The following PPP1R9A variants were observed in gnomAD, a reference collection of about 807,000 sequenced individuals.
PPP1R9A encodes the protein protein phosphatase 1 regulatory subunit 9A, also known as neurabin-1.
PPP1R9A carries 59 observed loss-of-function variants against 141.9 expected under a neutral mutation model. The observed-to-expected ratio is 0.42, with a 90% CI of 0.34 to 0.52. The LOEUF is 0.52. PPP1R9A is among the 20% of genes least tolerant of loss of function. The pLI is 0.10. For missense variants in PPP1R9A, 1,444 were observed against 1,611.9 expected (o/e 0.90, Z 1.78); for synonymous variants, 500 against 569.7 (o/e 0.88, Z 1.74).
chr7:94,945,944 G>A (rs1795847331), intron 2 of PPP1R9A, among the ~76,000 whole-genome samples: 1 of 151,828 alleles, frequency 6.6e-6, no homozygotes, highest in South Asian at 2.1e-4. Context: ...TAACTAATAT[G>A]CTAAAAATAT....
intron 14 of PPP1R9A, among the ~76,000 whole-genome samples, chr7:95,272,149 C>T (rs1441126374): frequency 6.6e-6 from 1 of 152,162 alleles, no homozygotes. Context: ...AGAGTGTTTT[C>T]GTGTACATTG....
intron 5 of PPP1R9A, among the ~76,000 whole-genome samples, chr7:95,189,840 G>A (rs945062605): frequency 1.3e-5 from 2 of 152,094 alleles, no homozygotes; most frequent in Admixed American, 6.5e-5. Context: ...TTTTATTGTC[G>A]AAATTTTCCA....
At chr7:95,225,646 C>G (rs1173207123) in intron 7 of PPP1R9A, among the ~76,000 whole-genome samples, 1 of 152,058 alleles carries the variant, frequency 6.6e-6, no homozygotes, top group Admixed American at 6.6e-5. Context: ...ACTTATTTCC[C>G]TCAGCAACAT....
At chr7:95,014,802 G>A (rs988815326) in intron 2 of PPP1R9A, among the ~76,000 whole-genome samples, 1 of 152,002 alleles carries the variant, frequency 6.6e-6, no homozygotes, top group African/African-American at 2.4e-5. Flanking sequence ...TAAGGAAGAA[G>A]TTTCCTTTCT....
At chr7:95,009,266 G>A (rs1584253536) in intron 2 of PPP1R9A, among the ~76,000 whole-genome samples, 1 of 152,106 alleles carries the variant, frequency 6.6e-6, no homozygotes, top group Non-Finnish European at 1.5e-5. Flanking sequence ...AAACCTGCAC[G>A]TTGTGCACAT....
rs192779256 is a variant in PPP1R9A at position 94,984,964 on chromosome 7, G to A, written c.1395+73456G>A. The stretch of plus-strand genomic sequence containing the variant: ...TGATCTTTCCTGCTTTCTCTTGTGG[G>A]CATTTAGTGCTGTAAATTTCCTTCT... On this transcript the variant is annotated intron_variant, in intron 2 of 19. Transcript: ENST00000433360. Among the ~76,000 whole-genome samples, 28 of 152,154 alleles carry A rather than the reference G, an allele frequency of 1.8e-4. No homozygotes were observed. In the East Asian group the frequency reaches 5.2e-3, roughly 28 times the overall value.
chr7:95,249,981 C>A, intron 9 of PPP1R9A, 45 bp from the exon 10 acceptor site: 2 of 1,500,988 alleles, frequency 1.3e-6, no homozygotes, highest in Non-Finnish European at 1.8e-6. Context: ...ATTTTTGCCA[C>A]AAAAGTGGCC....
chr7:94,924,952 C>T (rs999797942), intron 2 of PPP1R9A, among the ~76,000 whole-genome samples: 8 of 152,186 alleles, frequency 5.3e-5, no homozygotes, highest in African/African-American at 1.9e-4. Context: ...TTGAAATAAA[C>T]AGAATATTGA....
intron 2 of PPP1R9A, among the ~76,000 whole-genome samples, chr7:95,084,448 G>T (rs1377163812): frequency 6.6e-6 from 1 of 151,764 alleles, no homozygotes; most frequent in Non-Finnish European, 1.5e-5. Context: ...GACAACTTGG[G>T]TACCCACCAT....
At chr7:95,005,912 CA>C (rs972430409) in intron 2 of PPP1R9A, among the ~76,000 whole-genome samples, 5 of 150,370 alleles carry the variant, frequency 3.3e-5, no homozygotes, top group South Asian at 2.1e-4. Context: ...TCTAAAGATA[CA>C]AAAAAAAATT....
intron 7 of PPP1R9A, among the ~76,000 whole-genome samples, chr7:95,218,191 G>A (rs1028930952): frequency 4.6e-5 from 7 of 152,160 alleles, no homozygotes; most frequent in African/African-American, 7.2e-5. Context: ...TGGTTTCAAA[G>A]AACATCATTA....
chr7:95,003,861 A>T (rs1453434504), intron 2 of PPP1R9A, among the ~76,000 whole-genome samples: 2 of 152,200 alleles, frequency 1.3e-5, no homozygotes, highest in African/African-American at 4.8e-5. Flanking sequence ...TTATCTTCAT[A>T]TGGAATCAGA....
intron 2 of PPP1R9A, among the ~76,000 whole-genome samples, chr7:94,955,044 T>G (rs1372588525): frequency 6.6e-6 from 1 of 152,026 alleles, no homozygotes; most frequent in Admixed American, 6.6e-5. Context: ...CAGATAATTC[T>G]TACTGTCATT....
chr7:95,076,609 A>T lies in PPP1R9A; in HGVS notation c.1396-34650A>T, dbSNP rs9641159. 7.4e-4 allele frequency among the ~76,000 whole-genome samples: 113 copies of T among 152,222 alleles called. No homozygotes were observed. The East Asian group carries it at 0.018, about 25-fold the overall frequency. The stretch of plus-strand genomic sequence containing the variant: ...CCCCCAATACTATTTTTATTAAAAA[A>T]TTTTTAGTTTGTTAGTGTGTACTTT... On this transcript the variant is annotated intron_variant, in intron 2 of 19. Coordinates refer to ENST00000433360, the MANE Select transcript of PPP1R9A (RefSeq NM_001166160.2).
intron 2 of PPP1R9A, among the ~76,000 whole-genome samples, chr7:95,105,760 A>T (rs10228754): frequency 0.41 from 62,456 of 152,028 alleles, 13,601 homozygotes; most frequent in Middle Eastern, 0.5. Flanking sequence ...AAGAATCAAG[A>T]TCATGTAGAT....
chr7:95,123,580 T>C (rs1488494127), intron 4 of PPP1R9A, among the ~76,000 whole-genome samples: 2 of 151,630 alleles, frequency 1.3e-5, no homozygotes, highest in African/African-American at 2.4e-5. Flanking sequence ...ACCTGGGAGG[T>C]AGAGGTGGCA....
rs141128021 is a variant in PPP1R9A, at chr7:94,953,859, G to A, written c.1395+42351G>A. On this transcript the variant is annotated intron_variant, in intron 2 of 19. Transcript: ENST00000433360. ...GCTTATCAACTTAAGGAGATTTTGG[G>A]CTGAGACGATGGGGTTTTCTAAATA... Among the ~76,000 whole-genome samples the A allele has an allele frequency of 4.3e-3, 651 of 152,232 alleles. 4 individuals carry two copies. Among genetic ancestry groups the A allele is most frequent in the African/African-American group, 0.015 (635 of 41,548 alleles).
Position 95,288,560 on chromosome 7 carries a change from A to C in PPP1R9A, c.3754A>C (p.Lys1252Gln). The change falls in exon 19 of 20, where the codon AAA (lysine) becomes CAA (glutamine). Residue 1252 changes from lysine to glutamine, a missense_variant. Physicochemically the swap from Lys to Gln is moderately conservative, Grantham distance 53. Coordinates refer to ENST00000433360, the MANE Select transcript of PPP1R9A (RefSeq NM_001166160.2). Reference sequence around the variant, plus strand: ...GATCCTTGATGATGGACAGTCTCCCAAACACAGTCAGTGTCAGAATCGGGC... The same window carrying C: ...GATCCTTGATGATGGACAGTCTCCCCAACACAGTCAGTGTCAGAATCGGGC... Reference protein sequence around the residue: ...DEILDDGQSPKHSQCQNRAVQ... With the variant: ...DEILDDGQSPQHSQCQNRAVQ... The C allele has an allele frequency of 6.2e-7, 1 of 1,614,072 alleles. No homozygotes were observed. The highest frequency in any genetic ancestry group is 8.5e-7 in the Non-Finnish European group (1 of 1,179,984).
At chr7:94,908,542 C>G (rs918358105) in intron 1 of PPP1R9A, 3 of 152,312 alleles carry the variant, frequency 2.0e-5, no homozygotes, top group African/African-American at 7.2e-5. Context: ...GGTCCTGCCC[C>G]AGGGCCGAGG....
Sources: allele counts gnomAD v4.1 joint callset (sites outside exome capture counted in the v4.1 genomes callset), GRCh38; gene constraint gnomAD v4.1.1; transcripts MANE v1.5; gene names NCBI Gene and HGNC (gene_info 2026-07-23, HGNC 2026-07-21).